The following GALNT17 variants were observed in gnomAD, a reference collection of about 807,000 sequenced individuals.
GALNT17 encodes the protein polypeptide N-acetylgalactosaminyltransferase 17.
GALNT17 carries 29 observed loss-of-function variants against 63.7 expected under a neutral mutation model. The observed-to-expected ratio is 0.46, with a 90% confidence interval of 0.34 to 0.62. The LOEUF is 0.62. Among genes scored for constraint, GALNT17 ranks in the 20% least tolerant of loss-of-function variants. GALNT17 has a pLI of 0.01. For synonymous variants in GALNT17, 305 were observed against 318.3 expected (o/e 0.96, Z 0.45); for missense variants, 603 against 799.6 (o/e 0.75, Z 2.97).
intron 2 of GALNT17, among the ~76,000 whole-genome samples, chr7:71,338,233 A>G (rs896393300): frequency 2.6e-5 from 4 of 152,054 alleles, no homozygotes. Context: ...AGGCTGAGGC[A>G]GGAGAATGGC....
At chr7:71,381,386 A>G (rs750996120) in intron 2 of GALNT17, among the ~76,000 whole-genome samples, 4 of 152,168 alleles carry the variant, frequency 2.6e-5, no homozygotes, top group Non-Finnish European at 5.9e-5. Context: ...AGGAGGCACT[A>G]TCCCTTGCGG....
At chr7:71,485,336 A>G (rs573547337) in intron 5 of GALNT17, among the ~76,000 whole-genome samples, 169 of 152,092 alleles carry the variant, frequency 1.1e-3, no homozygotes, top group African/African-American at 3.8e-3. Flanking sequence ...GGCTCAAGCA[A>G]TCATCCCGCC....
At chr7:71,405,805 A>C (rs141747366) in intron 3 of GALNT17, among the ~76,000 whole-genome samples, 1 of 152,040 alleles carries the variant, frequency 6.6e-6, no homozygotes. Context: ...GCTCCCAAAC[A>C]CTTGCCCTCT....
chr7:71,632,191 C>G (rs114937388), intron 6 of GALNT17, among the ~76,000 whole-genome samples: 1,531 of 152,254 alleles, frequency 0.01, 34 homozygotes, highest in African/African-American at 0.035. Context: ...AGATAAGGAA[C>G]AGCCTTGTGT....
At chr7:71,699,073 G>A (rs1045040879) in intron 9 of GALNT17, among the ~76,000 whole-genome samples, 1 of 150,104 alleles carries the variant, frequency 6.7e-6, no homozygotes, top group African/African-American at 2.4e-5. Context: ...TCGGGAGGCT[G>A]AGGCAGGAGA....
intron 2 of GALNT17, among the ~76,000 whole-genome samples, chr7:71,374,984 C>T (rs187456266): frequency 2.0e-5 from 3 of 151,964 alleles, no homozygotes; most frequent in South Asian, 2.1e-4. Context: ...GGATTACAGG[C>T]GCACACCACC....
At chr7:71,543,866 C>T (rs893569137) in intron 5 of GALNT17, among the ~76,000 whole-genome samples, 3 of 151,204 alleles carry the variant, frequency 2.0e-5, no homozygotes, top group Non-Finnish European at 4.4e-5. Flanking sequence ...GATCTAGGCT[C>T]ACTGCAGCCT....
intron 6 of GALNT17, among the ~76,000 whole-genome samples, chr7:71,631,834 A>G (rs372338204): frequency 6.6e-6 from 1 of 152,090 alleles, no homozygotes; most frequent in Non-Finnish European, 1.5e-5. Context: ...CGGATTAAAT[A>G]TTAATTCTGC....
intron 5 of GALNT17, among the ~76,000 whole-genome samples, chr7:71,544,289 G>C (rs62459934): frequency 1.6e-4 from 23 of 139,488 alleles, no homozygotes; most frequent in Admixed American, 5.4e-4. Flanking sequence ...CCACCACCAC[G>C]CCCGGCTATT....
At chr7:71,180,536 G>A (rs754061408) in intron 1 of GALNT17, among the ~76,000 whole-genome samples, 16 of 152,160 alleles carry the variant, frequency 1.1e-4, no homozygotes, top group Non-Finnish European at 2.1e-4. Context: ...CTCAAATGCA[G>A]TCTCTCATTT....
intron 1 of GALNT17, among the ~76,000 whole-genome samples, chr7:71,303,945 G>C (rs1317884477): frequency 6.6e-6 from 1 of 152,120 alleles, no homozygotes; most frequent in Non-Finnish European, 1.5e-5. Flanking sequence ...AAATGATCTG[G>C]AGACTGCAAA....
chr7:71,362,783 C>T (rs1018988797), intron 2 of GALNT17, among the ~76,000 whole-genome samples: 1 of 152,098 alleles, frequency 6.6e-6, no homozygotes, highest in African/African-American at 2.4e-5. Flanking sequence ...CCCCGTGAGT[C>T]GTGAAGGAAA....
chr7:71,677,630 T>G (rs1457709052), intron 9 of GALNT17, among the ~76,000 whole-genome samples: 1 of 151,872 alleles, frequency 6.6e-6, no homozygotes, highest in African/African-American at 2.4e-5. Flanking sequence ...TTCTCCTGCC[T>G]CAGCCTCCAG....
rs148183586 is a variant in GALNT17 at position 71,600,361 on chromosome 7, G to A, written c.1080+28959G>A. Among the ~76,000 whole-genome samples, 803 of 150,610 alleles carry A rather than the reference G, an allele frequency of 5.3e-3. 6 individuals carry two copies. Among genetic ancestry groups the A allele is most frequent in the African/African-American group, 0.018 (743 of 40,468 alleles). ...AGAGCCAGTTTTTCCTGGAGGATAG[G>A]AAACTGGATATTGAACTGGGGAACC... is the stretch of plus-strand genomic sequence containing the variant. On this transcript the variant is annotated intron_variant, in intron 6 of 10. Coordinates refer to ENST00000333538, the MANE Select transcript of GALNT17 (RefSeq NM_022479.3).
intron 6 of GALNT17, among the ~76,000 whole-genome samples, chr7:71,602,090 C>T (rs905879585): frequency 3.3e-5 from 5 of 152,168 alleles, no homozygotes; most frequent in South Asian, 4.1e-4. Context: ...CTCCCGACTT[C>T]CCCCGGGGCC....
At chr7:71,667,660 T>C (rs1791004825) in intron 7 of GALNT17, among the ~76,000 whole-genome samples, 1 of 152,166 alleles carries the variant, frequency 6.6e-6, no homozygotes. Flanking sequence ...AAATTGAAGC[T>C]ATGAGAAGCT....
At chr7:71,465,467 A>G (rs1787519985) in intron 5 of GALNT17, among the ~76,000 whole-genome samples, 1 of 152,238 alleles carries the variant, frequency 6.6e-6, no homozygotes. Flanking sequence ...AACTTTATTC[A>G]ACCTACTTAA....
chr7:71,302,940 C>T (rs1791227324), intron 1 of GALNT17, among the ~76,000 whole-genome samples: 1 of 151,986 alleles, frequency 6.6e-6, no homozygotes, highest in Non-Finnish European at 1.5e-5. Flanking sequence ...TCTTGACTCA[C>T]TGCAGCCTCC....
At chr7:71,590,029 C>T (rs1445929971) in intron 6 of GALNT17, among the ~76,000 whole-genome samples, 5 of 150,890 alleles carry the variant, frequency 3.3e-5, no homozygotes, top group African/African-American at 1.2e-4. Context: ...AGATAGGAAC[C>T]ATGCCCGTAC....
Sources: allele counts gnomAD v4.1 joint callset (sites outside exome capture counted in the v4.1 genomes callset), GRCh38; gene constraint gnomAD v4.1.1; transcripts MANE v1.5; gene names NCBI Gene and HGNC (gene_info 2026-07-23, HGNC 2026-07-21).